Variants in FHIT observed in about 807,000 individuals in gnomAD.
FHIT encodes fragile histidine triad diadenosine triphosphatase.
In FHIT, 19 loss-of-function variants were observed where a neutral mutation model predicts 17.9. The ratio of observed to expected loss-of-function variants is 1.06; its 90% CI spans 0.74 to 1.56. The LOEUF (loss-of-function observed/expected upper bound fraction) is 1.56, where lower values mean the gene tolerates loss of function less well. FHIT is among the 40% of genes most tolerant of loss of function. The pLI is 0.00. For missense variants in FHIT, 248 were observed against 189.2 expected (o/e 1.31, Z -1.82); for synonymous variants, 81 against 69.7 (o/e 1.16, Z -0.81).
chr3:60,450,032 G>T (rs117556751), intron 5 of FHIT, among the ~76,000 whole-genome samples: 1 of 145,728 alleles, frequency 6.9e-6, no homozygotes, highest in South Asian at 2.2e-4. Flanking sequence ...AGGCATAAAA[G>T]GTAGAAAATG....
intron 5 of FHIT, among the ~76,000 whole-genome samples, chr3:60,324,199 G>A (rs1458314760): frequency 6.6e-6 from 1 of 152,008 alleles, no homozygotes; most frequent in Non-Finnish European, 1.5e-5. Context: ...CAAGTAATGG[G>A]CCCCAAATCT....
intron 3 of FHIT, among the ~76,000 whole-genome samples, chr3:61,019,175 G>C (rs1156975787): frequency 6.6e-6 from 1 of 152,068 alleles, no homozygotes; most frequent in African/African-American, 2.4e-5. Flanking sequence ...CAGCAACAAT[G>C]TACCCATATT....
At chr3:60,247,721 C>A (rs1705473692) in intron 5 of FHIT, among the ~76,000 whole-genome samples, 1 of 152,096 alleles carries the variant, frequency 6.6e-6, no homozygotes, top group Non-Finnish European at 1.5e-5. Flanking sequence ...CAGCTTGCCA[C>A]TTGCTTGATT....
At chr3:61,236,624 G>C (rs1322150907) in intron 1 of FHIT, among the ~76,000 whole-genome samples, 1 of 152,192 alleles carries the variant, frequency 6.6e-6, no homozygotes, top group Non-Finnish European at 1.5e-5. Context: ...GATGTGGAAA[G>C]GGAGGCCCAG....
intron 2 of FHIT, among the ~76,000 whole-genome samples, chr3:61,060,135 C>T (rs4519689): frequency 0.6 from 91,120 of 151,954 alleles, 28,195 homozygotes; most frequent in Non-Finnish European, 0.65. Context: ...ATTATCTTAC[C>T]TGTTTTTATT....
intron 8 of FHIT, among the ~76,000 whole-genome samples, chr3:59,919,307 AT>A (rs1449583840): frequency 6.6e-6 from 1 of 151,678 alleles, no homozygotes; most frequent in African/African-American, 2.4e-5. Flanking sequence ...TTAAGTGTTC[AT>A]TTTTTTTCAC....
Position 59,983,754 on chromosome 3 carries a change from C to A in FHIT, c.279+27617G>T, listed in dbSNP as rs116449794. ...CTCAGGAAGCTCCCAACCTAGTAATCAGAGAAGAATGAGAGGATTGCCCCA... is the reference window on the plus strand; with the variant it reads ...CTCAGGAAGCTCCCAACCTAGTAATAAGAGAAGAATGAGAGGATTGCCCCA... On this transcript the variant is annotated intron_variant, in intron 7 of 9. Coordinates refer to ENST00000492590, the MANE Select transcript of FHIT (RefSeq NM_002012.4). Among the ~76,000 whole-genome samples, 1,258 of 152,136 alleles carry A rather than the reference C, an allele frequency of 8.3e-3. 18 individuals carry two copies. Among genetic ancestry groups the A allele is most frequent in the South Asian group, 0.036 (171 of 4,798 alleles).
At chr3:60,081,472 A>G (rs1426980566) in intron 5 of FHIT, among the ~76,000 whole-genome samples, 2 of 152,178 alleles carry the variant, frequency 1.3e-5, no homozygotes, top group East Asian at 3.9e-4. Flanking sequence ...AAGTTCCTTA[A>G]AACTCAACTC....
intron 4 of FHIT, among the ~76,000 whole-genome samples, chr3:60,811,418 TGAA>T (rs1701568110): frequency 6.6e-6 from 1 of 152,240 alleles, no homozygotes; most frequent in Non-Finnish European, 1.5e-5. Context: ...TACAAGAATA[TGAA>T]ACTACTGTTT....
intron 3 of FHIT, among the ~76,000 whole-genome samples, chr3:60,936,054 T>C (rs1433373811): frequency 6.6e-6 from 1 of 152,186 alleles, no homozygotes; most frequent in Non-Finnish European, 1.5e-5. Context: ...CCTTGAATAA[T>C]TAATGAACAT....
At position 60,262,745 on chromosome 3, in the gene FHIT, G is replaced by A. The variant is rs541876065; in HGVS notation, c.104-248593C>T. ...GCTAACTGACTGAAATTCCCTGACG[G>A]CAAAACAATCCCAGCTGTGAATCTC... On this transcript the variant is annotated intron_variant, in intron 5 of 9. Transcript: ENST00000492590. 2.0e-5 allele frequency among the ~76,000 whole-genome samples: 3 copies of A among 151,674 alleles called. No individual in the cohort carries two copies. In the East Asian group the frequency reaches 5.9e-4, roughly 30 times the overall value.
chr3:59,860,006 G>A (rs1206018836), intron 8 of FHIT, among the ~76,000 whole-genome samples: 1 of 151,938 alleles, frequency 6.6e-6, no homozygotes, highest in African/African-American at 2.4e-5. Flanking sequence ...TATCTGAAAG[G>A]GAATATCTAT....
At chr3:60,270,254 G>A (rs1706797989) in intron 5 of FHIT, among the ~76,000 whole-genome samples, 2 of 152,204 alleles carry the variant, frequency 1.3e-5, no homozygotes, top group South Asian at 4.1e-4. Flanking sequence ...CACAACTGCA[G>A]TTCTTGCTTG....
intron 8 of FHIT, among the ~76,000 whole-genome samples, chr3:59,848,681 C>T (rs1432916329): frequency 6.6e-6 from 1 of 152,086 alleles, no homozygotes; most frequent in African/African-American, 2.4e-5. Context: ...CTAAGTTTTC[C>T]AGCCTTGTTA....
chr3:60,750,885 TC>T (rs754914443), intron 4 of FHIT, among the ~76,000 whole-genome samples: 1 of 152,186 alleles, frequency 6.6e-6, no homozygotes, highest in Non-Finnish European at 1.5e-5. Context: ...GCCGACTTCA[TC>T]CTCCCATAGA....
At chr3:60,119,650 T>C (rs920324417) in intron 5 of FHIT, among the ~76,000 whole-genome samples, 11 of 152,178 alleles carry the variant, frequency 7.2e-5, no homozygotes, top group African/African-American at 2.4e-4. Context: ...TCACCTGTGC[T>C]AGAAACCTGG....
chr3:59,786,266 C>T (rs914688027), intron 8 of FHIT, among the ~76,000 whole-genome samples: 4 of 152,312 alleles, frequency 2.6e-5, no homozygotes, highest in African/African-American at 9.6e-5. Flanking sequence ...CAGCTTCCAT[C>T]TCCCTCACCA....
At chr3:60,807,839 T>TGA (rs1553734780) in intron 4 of FHIT, among the ~76,000 whole-genome samples, 11 of 146,776 alleles carry the variant, frequency 7.5e-5, no homozygotes, top group Non-Finnish European at 1.7e-4. Flanking sequence ...CAAATTTTAC[T>TGA]AAAAAAAAAA....
intron 8 of FHIT, among the ~76,000 whole-genome samples, 171 bp from the exon 9 acceptor site, chr3:59,752,492 C>T (rs1175612114): frequency 3.6e-4 from 54 of 152,096 alleles, no homozygotes. Context: ...TACAAGAATC[C>T]ACATTTAAAA....
Sources: allele counts gnomAD v4.1 joint callset (sites outside exome capture counted in the v4.1 genomes callset), GRCh38; gene constraint gnomAD v4.1.1; transcripts MANE v1.5; gene names NCBI Gene and HGNC (gene_info 2026-07-23, HGNC 2026-07-21).